ANKRD22: variants seen among roughly 807,000 people sequenced by gnomAD.
The protein encoded by ANKRD22 is ankyrin repeat domain 22, also known as ankyrin repeat domain-containing protein 22.
A neutral mutation model predicts 25.7 loss-of-function variants in ANKRD22; 24 were observed. The ratio of observed to expected loss-of-function variants is 0.93; its 90% CI spans 0.68 to 1.31. The LOEUF (loss-of-function observed/expected upper bound fraction) is 1.31. Among genes scored for constraint, ANKRD22 ranks in the 50% most tolerant of loss-of-function variants. ANKRD22 has a pLI of 0.00. For synonymous variants in ANKRD22, 84 were observed against 84.3 expected, an observed-to-expected ratio of 1.00 and a Z score of 0.02; for missense variants, 214 against 227.1, an observed-to-expected ratio of 0.94 and a Z score of 0.37.
chr10:88,850,964 C>T (rs1315921901), intron 1 of ANKRD22, among the ~76,000 whole-genome samples: 1 of 152,078 alleles, frequency 6.6e-6, no homozygotes, highest in Non-Finnish European at 1.5e-5. Context: ...CTAAACATTC[C>T]TTGCTTGTAC....
chr10:88,846,251 G>C (rs535403386), intron 1 of ANKRD22, among the ~76,000 whole-genome samples: 7 of 151,934 alleles, frequency 4.6e-5, no homozygotes, highest in African/African-American at 1.7e-4. Flanking sequence ...ATGCACAACT[G>C]TCTTTAGTTA....
At position 88,848,700 on chromosome 10, in the gene ANKRD22, C is replaced by A. The variant is rs80254514; in HGVS notation, c.21+2887G>T. Among the ~76,000 whole-genome samples, 1,008 of 152,216 alleles carry A rather than the reference C, an allele frequency of 6.6e-3. 17 individuals are homozygous for A. The highest frequency in any genetic ancestry group is 0.01 in the Middle Eastern group (3 of 294). On this transcript the variant is annotated intron_variant, in intron 1 of 5. Transcript: ENST00000371930. ...TGACTCAGAGAGGTTAAATGACTTC[C>A]TCTCAAATCCCTTGAAGTTCCTGGC... is the stretch of plus-strand genomic sequence containing the variant.
At position 88,822,891 on chromosome 10, in the gene ANKRD22, G is replaced by A; in HGVS notation, c.*50C>T. ...AGACCAAAAGTCTAAAATGAAGATA[G>A]AATCCAGTCGTTAACTTTTTCTGTA... On this transcript the variant is annotated 3_prime_UTR_variant, in exon 6 of 6. Transcript: ENST00000371930. 6.6e-7 allele frequency: 1 copy of A among 1,517,988 alleles called. No individual in the cohort carries two copies. The highest frequency in any genetic ancestry group is 1.7e-5 in the Admixed American group (1 of 58,518). 94.0% of individuals were successfully genotyped at this position (1,517,988 alleles called of 1,614,324 possible).
chr10:88,823,451 G>T, intron 4 of ANKRD22, 73 bp from the exon 5 acceptor site: 1 of 1,089,818 alleles, frequency 9.2e-7, no homozygotes, highest in Non-Finnish European at 1.4e-6. Context: ...GGCTTCATTG[G>T]CAAATCCTTT....
chr10:88,829,977 G>A (rs1843889479), intron 2 of ANKRD22, among the ~76,000 whole-genome samples: 1 of 152,008 alleles, frequency 6.6e-6, no homozygotes, highest in Non-Finnish European at 1.5e-5. Flanking sequence ...GTAGAGATGC[G>A]GGGGTCTTGC....
intron 1 of ANKRD22, among the ~76,000 whole-genome samples, chr10:88,844,254 G>A (rs1307735383): frequency 1.3e-5 from 2 of 152,148 alleles, no homozygotes; most frequent in East Asian, 1.9e-4. Context: ...GCATGAGCAA[G>A]GGGAGTGGCG....
At chr10:88,837,994 T>G (rs185958157) in intron 1 of ANKRD22, among the ~76,000 whole-genome samples, 1 of 152,304 alleles carries the variant, frequency 6.6e-6, no homozygotes, top group East Asian at 1.9e-4. Context: ...ATTAGCAGCA[T>G]GAGAACAGAC....
In ANKRD22 at chr10:88,847,493, AG is replaced by A. The variant is rs1208388631; in HGVS notation, c.21+4093del. Among the ~76,000 whole-genome samples the A allele has an allele frequency of 7.2e-5, 11 of 152,060 alleles. No individual in the cohort carries two copies. The East Asian group carries it at 1.5e-3, about 21-fold the overall frequency. ...AGGCTGGTCTCAAACTCCCAACCTC[AG>A]GTGATCCACCTGCCTCAGCTTCCCA... On this transcript the variant is annotated intron_variant, in intron 1 of 5. Transcript: ENST00000371930.
chr10:88,825,351 C>G (rs1843846176), intron 4 of ANKRD22, among the ~76,000 whole-genome samples: 1 of 152,212 alleles, frequency 6.6e-6, no homozygotes. Flanking sequence ...AGTGCAAGAG[C>G]ACAGAGGTGA....
At chr10:88,832,107 T>C (rs974962808) in intron 1 of ANKRD22, 81 bp from the exon 2 acceptor site, 3 of 1,359,534 alleles carry the variant, frequency 2.2e-6, no homozygotes, top group Admixed American at 4.9e-5. Flanking sequence ...CATAACCCAA[T>C]ACATTAAAAT....
chr10:88,823,226 A>C, intron 5 of ANKRD22, 54 bp downstream of exon 5: 6 of 1,471,416 alleles, frequency 4.1e-6, no homozygotes, highest in Non-Finnish European at 5.7e-6. Context: ...TAAGGCCTAG[A>C]TTAGAAGATG....
intron 1 of ANKRD22, among the ~76,000 whole-genome samples, chr10:88,847,255 C>CT (rs1184651063): frequency 6.7e-6 from 1 of 148,390 alleles, no homozygotes; most frequent in African/African-American, 2.5e-5. Context: ...ACACCATACT[C>CT]TTTTTTTATT....
intron 1 of ANKRD22, among the ~76,000 whole-genome samples, chr10:88,833,065 T>G (rs1051298698): frequency 6.6e-6 from 1 of 152,226 alleles, no homozygotes; most frequent in Non-Finnish European, 1.5e-5. Flanking sequence ...ACTGTAATTC[T>G]TTTCTTAATT....
At chr10:88,836,237 T>C (rs1843953232) in intron 1 of ANKRD22, among the ~76,000 whole-genome samples, 1 of 152,212 alleles carries the variant, frequency 6.6e-6, no homozygotes, top group Non-Finnish European at 1.5e-5. Context: ...CCAGCTAGAC[T>C]GTAAGCTATA....
In ANKRD22 at chr10:88,831,830, C is replaced by T. The variant is rs531701788; in HGVS notation, c.213+5G>A. On this transcript the variant is annotated splice_donor_5th_base_variant and intron_variant, in intron 2 of 5. Transcript: ENST00000371930. ...TTACACTCTCCATTCATGTCATGAC[C>T]TCACCTGGTTTTTGAGGTTGACATT... 3 of 1,601,898 alleles carry T rather than the reference C, an allele frequency of 1.9e-6. No homozygotes were observed. The highest frequency in any genetic ancestry group is 1.1e-5 in the South Asian group (1 of 89,124).
At chr10:88,851,290 C>A (rs1306167189) in intron 1 of ANKRD22, among the ~76,000 whole-genome samples, 1 of 152,104 alleles carries the variant, frequency 6.6e-6, no homozygotes, top group Non-Finnish European at 1.5e-5. Context: ...AAAAGCACAA[C>A]TCAAACTCGA....
chr10:88,845,048 TC>T (rs1844035313), intron 1 of ANKRD22, among the ~76,000 whole-genome samples: 2 of 142,496 alleles, frequency 1.4e-5, no homozygotes, highest in Non-Finnish European at 1.5e-5. Flanking sequence ...GCTGTTTTTG[TC>T]TTGTCCTGTC....
At position 88,843,992 on chromosome 10, in the gene ANKRD22, G is replaced by A. The variant is rs544883498; in HGVS notation, c.21+7595C>T. ...AAATCCACTTTCATCTAACAAACCC[G>A]ACATTTTTAAAAATTATAATACTTC... On this transcript the variant is annotated intron_variant, in intron 1 of 5. Coordinates refer to ENST00000371930, the MANE Select transcript of ANKRD22 (RefSeq NM_144590.3). 7.9e-5 allele frequency among the ~76,000 whole-genome samples: 12 copies of A among 152,052 alleles called. No individual in the cohort carries two copies. In the East Asian group the frequency reaches 1.2e-3, roughly 15 times the overall value.
In ANKRD22 at chr10:88,822,014, C is replaced by G. The variant is rs1398940030; in HGVS notation, c.*927G>C. 6.6e-6 allele frequency: 1 copy of G among 152,030 alleles called. No individual in the cohort carries two copies. The highest frequency in any genetic ancestry group is 1.5e-5 in the Non-Finnish European group (1 of 67,986). The allele number at this position is 152,030 out of a possible 1,614,324, so 9.4% of individuals were successfully genotyped here. On this transcript the variant is annotated 3_prime_UTR_variant, in exon 6 of 6. Transcript: ENST00000371930. ...ATTTTACATCTATCAATAAAATAAA[C>G]AAAACTAACAAGCTTGGCAACCACC...
Sources: gnomAD v4.1 joint callset for allele counts (sites outside exome capture counted in the v4.1 genomes callset) on GRCh38, gnomAD v4.1.1 for gene constraint, MANE v1.5 for transcripts, NCBI Gene and HGNC (gene_info 2026-07-23, HGNC 2026-07-21) for gene names.